NRXN3: variants seen among roughly 807,000 people sequenced by gnomAD.
NRXN3 encodes the protein neurexin III.
In NRXN3, 32 loss-of-function variants were observed where a neutral mutation model predicts 137.6. That is an observed-to-expected ratio of 0.23 (90% CI 0.18 to 0.31). NRXN3 has a LOEUF of 0.31. NRXN3 is among the 10% of genes least tolerant of loss of function. NRXN3 has a pLI of 1.00. For synonymous variants in NRXN3, 798 were observed against 784.5 expected (o/e 1.02, Z -0.29); for missense variants, 1,574 against 2,062.5 (o/e 0.76, Z 4.59).
At chr14:79,444,476 CAG>C (rs1415676510) in intron 15 of NRXN3, among the ~76,000 whole-genome samples, 1 of 152,160 alleles carries the variant, frequency 6.6e-6, no homozygotes, top group Non-Finnish European at 1.5e-5. Flanking sequence ...ATCTTAATAA[CAG>C]ACAAAATAGA....
intron 15 of NRXN3, among the ~76,000 whole-genome samples, chr14:79,039,234 A>G (rs376552649): frequency 1.1e-3 from 164 of 152,224 alleles, no homozygotes; most frequent in Non-Finnish European, 1.3e-3. Flanking sequence ...TCTTTTATCA[A>G]CTTCAACTGA....
rs887962088 is a variant in NRXN3, at chr14:78,869,848, G to A, written c.2275+59504G>A. On this transcript the variant is annotated intron_variant, in intron 10 of 20. Coordinates refer to ENST00000335750, the MANE Select transcript of NRXN3 (RefSeq NM_001330195.2). ...TAGGACCATCATGATAAATATATGGGCCACTGCAATGGAATTGTTTGCAGT... is the reference window on the plus strand; with the variant it reads ...TAGGACCATCATGATAAATATATGGACCACTGCAATGGAATTGTTTGCAGT... 1.1e-4 allele frequency among the ~76,000 whole-genome samples: 16 copies of A among 152,066 alleles called. No individual in the cohort carries two copies. In the South Asian group the frequency reaches 1.5e-3, roughly 14 times the overall value.
intron 16 of NRXN3, among the ~76,000 whole-genome samples, chr14:79,468,403 A>G (rs2096457614): frequency 6.6e-6 from 1 of 152,242 alleles, no homozygotes; most frequent in African/African-American, 2.4e-5. Context: ...ATTAGTTAGC[A>G]ATGACAAGGC....
intron 19 of NRXN3, among the ~76,000 whole-genome samples, chr14:79,799,536 G>C (rs1312369114): frequency 6.6e-6 from 1 of 152,128 alleles, no homozygotes; most frequent in African/African-American, 2.4e-5. Flanking sequence ...GAACAACATA[G>C]CTCAAGTAGT....
intron 2 of NRXN3, among the ~76,000 whole-genome samples, chr14:78,265,581 T>C (rs1387400427): frequency 6.6e-6 from 1 of 152,222 alleles, no homozygotes; most frequent in Non-Finnish European, 1.5e-5. Context: ...TAGTGACTTT[T>C]AGAACTGAAA....
At chr14:79,280,102 T>C (rs1441058590) in intron 15 of NRXN3, 4 of 1,403,438 alleles carry the variant, frequency 2.9e-6, no homozygotes, top group Non-Finnish European at 2.8e-6. Context: ...CTTTTATCTT[T>C]TTTTTTTCTT....
At chr14:79,535,350 C>T (rs1361946084) in intron 16 of NRXN3, among the ~76,000 whole-genome samples, 1 of 152,080 alleles carries the variant, frequency 6.6e-6, no homozygotes, top group Non-Finnish European at 1.5e-5. Flanking sequence ...GTAGCATCAC[C>T]GGGAGAATGA....
intron 4 of NRXN3, among the ~76,000 whole-genome samples, chr14:78,306,467 T>C (rs745933562): frequency 3.9e-4 from 60 of 152,172 alleles, no homozygotes; most frequent in Non-Finnish European, 6.2e-4. Context: ...TTGTGTTGTC[T>C]TTAAGATACA....
At chr14:79,699,081 G>T (rs1055520240) in intron 19 of NRXN3, among the ~76,000 whole-genome samples, 1 of 151,930 alleles carries the variant, frequency 6.6e-6, no homozygotes, top group Admixed American at 6.6e-5. Context: ...TATGCTGACA[G>T]TGTCATAAGG....
chr14:79,601,040 CTTTTTTTTTTTTT>C (rs36044631), intron 16 of NRXN3, among the ~76,000 whole-genome samples: 3 of 93,424 alleles, frequency 3.2e-5, no homozygotes, highest in South Asian at 4.0e-4. Flanking sequence ...TCTTTGTTGC[CTTTTTTTTTTTTT>C]TTTTTTTTTG....
chr14:79,004,995 A>G (rs2099549437), intron 15 of NRXN3, among the ~76,000 whole-genome samples: 1 of 151,884 alleles, frequency 6.6e-6, no homozygotes, highest in Non-Finnish European at 1.5e-5. Flanking sequence ...TTCATGTTGT[A>G]TTTTTTCCTA....
At chr14:79,720,143 A>T (rs1001666507) in intron 19 of NRXN3, among the ~76,000 whole-genome samples, 1 of 152,078 alleles carries the variant, frequency 6.6e-6, no homozygotes, top group Non-Finnish European at 1.5e-5. Context: ...GAGGCCTCAC[A>T]ATCATGGTGG....
chr14:79,808,255 A>AAAT (rs1555750671), intron 20 of NRXN3, among the ~76,000 whole-genome samples: 4 of 123,984 alleles, frequency 3.2e-5, no homozygotes, highest in Admixed American at 2.5e-4. Context: ...AAAAAAAAAA[A>AAAT]ATATATATAT....
At chr14:79,704,770 G>T (rs190115358) in intron 19 of NRXN3, among the ~76,000 whole-genome samples, 163 of 152,172 alleles carry the variant, frequency 1.1e-3, no homozygotes, top group Non-Finnish European at 1.5e-3. Flanking sequence ...GAATAATTTG[G>T]GGGGAGAGAA....
intron 15 of NRXN3, among the ~76,000 whole-genome samples, chr14:79,122,399 G>A (rs1243334224): frequency 6.6e-6 from 1 of 152,140 alleles, no homozygotes; most frequent in East Asian, 1.9e-4. Context: ...TATTAACAAT[G>A]TACACATAGT....
chr14:79,648,897 C>T (rs17836254), intron 16 of NRXN3, among the ~76,000 whole-genome samples: 7,596 of 152,200 alleles, frequency 0.05, 268 homozygotes, highest in Middle Eastern at 0.12. Flanking sequence ...AAGAATGTGT[C>T]TATGCTTGTA....
At chr14:79,789,986 G>A (rs909255857) in intron 19 of NRXN3, among the ~76,000 whole-genome samples, 5 of 152,140 alleles carry the variant, frequency 3.3e-5, no homozygotes, top group African/African-American at 1.2e-4. Flanking sequence ...GGACACCATA[G>A]ACAGAGGCCA....
intron 16 of NRXN3, among the ~76,000 whole-genome samples, chr14:79,610,880 A>G (rs913338055): frequency 2.0e-5 from 3 of 152,222 alleles, no homozygotes; most frequent in African/African-American, 7.2e-5. Flanking sequence ...TTTATGCTGC[A>G]AGTTCTGGAC....
intron 15 of NRXN3, among the ~76,000 whole-genome samples, chr14:79,399,036 A>ATT (rs1363042282): frequency 1.3e-5 from 2 of 149,152 alleles, no homozygotes; most frequent in Non-Finnish European, 3.0e-5. Context: ...AAGAAGAAGA[A>ATT]AAAAAAAAAG....
Sources: allele counts gnomAD v4.1 joint callset (sites outside exome capture counted in the v4.1 genomes callset), GRCh38; gene constraint gnomAD v4.1.1; transcripts MANE v1.5; gene names NCBI Gene and HGNC (gene_info 2026-07-23, HGNC 2026-07-21).